Variants in RBM39 observed in about 807,000 individuals in gnomAD.
RBM39 encodes RNA-binding protein 39.
In RBM39, 12 loss-of-function variants were observed where a neutral mutation model predicts 79.6. The observed-to-expected ratio is 0.15, with a 90% CI of 0.10 to 0.24. The LOEUF is 0.24. Ranked by LOEUF, RBM39 falls within the 10% of genes least tolerant of loss-of-function variation. The pLI is 1.00. For synonymous variants in RBM39, 185 were observed against 208.4 expected, an observed-to-expected ratio of 0.89 and a Z score of 0.97; for missense variants, 243 against 653.4, an observed-to-expected ratio of 0.37 and a Z score of 6.85.
chr20:35,729,375 TAA>T lies in RBM39; in HGVS notation c.363-12_363-11del. On this transcript the variant is annotated splice_polypyrimidine_tract_variant and intron_variant, in intron 5 of 16. Transcript: ENST00000253363. The stretch of plus-strand genomic sequence containing the variant: ...TCGGGAACGTCGTCTGCTGCAAAGT[TAA>T]AAAGTTTCAGAAGTTATCCAAACAA... 1.2e-6 allele frequency: 2 copies of T among 1,606,850 alleles called. No individual in the cohort carries two copies. Among genetic ancestry groups the T allele is most frequent in the Non-Finnish European group, 1.7e-6 (2 of 1,178,360 alleles).
intron 3 of RBM39, among the ~76,000 whole-genome samples, chr20:35,736,006 CA>C (rs2039866954): frequency 6.6e-6 from 1 of 151,980 alleles, no homozygotes; most frequent in African/African-American, 2.4e-5. Flanking sequence ...ACCTTAGTGG[CA>C]AAAAGCGACA....
At chr20:35,707,394 T>TGTTTCAAG in intron 13 of RBM39, 193 bp from the exon 14 acceptor site, 1 of 382,998 alleles carries the variant, frequency 2.6e-6, no homozygotes, top group Admixed American at 4.4e-5. Flanking sequence ...TGAGGTAACC[T>TGTTTCAAG]AATACTTGAA....
intron 16 of RBM39, 39 bp downstream of exon 16, chr20:35,704,629 C>A: frequency 2.5e-6 from 4 of 1,610,386 alleles, no homozygotes; most frequent in Non-Finnish European, 2.5e-6. Context: ...CATTATAGAG[C>A]CTTAATAACA....
At chr20:35,718,959 A>ACT (rs1338551013) in intron 9 of RBM39, among the ~76,000 whole-genome samples, 1 of 152,046 alleles carries the variant, frequency 6.6e-6, no homozygotes, top group African/African-American at 2.4e-5. Flanking sequence ...ACAGCGCAGG[A>ACT]CTCAGACTCC....
intron 1 of RBM39, 56 bp from the exon 2 acceptor site, chr20:35,740,943 A>T: frequency 1.5e-6 from 2 of 1,308,606 alleles, no homozygotes; most frequent in Non-Finnish European, 2.2e-6. Flanking sequence ...AATGTGAAAC[A>T]AGTTTCACTC....
At chr20:35,705,491 G>C (rs2035607532) in intron 14 of RBM39, 161 bp from the exon 15 acceptor site, 1 of 525,986 alleles carries the variant, frequency 1.9e-6, no homozygotes, top group South Asian at 2.5e-5. Context: ...CTGCAGTCTG[G>C]TATTGAAAAA....
At chr20:35,724,988 T>G (rs548301321) in intron 7 of RBM39, 50 bp downstream of exon 7, 1 of 1,292,820 alleles carries the variant, frequency 7.7e-7, no homozygotes, top group South Asian at 1.3e-5. Flanking sequence ...TTTACATGTT[T>G]TCTCTTGCAA....
intron 10 of RBM39, among the ~76,000 whole-genome samples, chr20:35,716,437 A>G (rs1258547352): frequency 6.6e-6 from 1 of 152,178 alleles, no homozygotes; most frequent in African/African-American, 2.4e-5. Flanking sequence ...ATTATTAACT[A>G]TTATTGTACT....
In RBM39 at chr20:35,703,771, T is replaced by G. The variant is rs1229272707; in HGVS notation, c.*710A>C. Reference sequence around the variant, plus strand: ...GAGCTTAAAAAGAGCAAAGATTATATGCAACCAGACAAAACCTATTTCTGC... The same window carrying G: ...GAGCTTAAAAAGAGCAAAGATTATAGGCAACCAGACAAAACCTATTTCTGC... On this transcript the variant is annotated 3_prime_UTR_variant, in exon 17 of 17. Transcript: ENST00000253363. 2 of 152,600 alleles carry G rather than the reference T, an allele frequency of 1.3e-5. No individual in the cohort carries two copies. The highest frequency in any genetic ancestry group is 4.8e-5 in the African/African-American group (2 of 41,444). 9.5% of individuals were successfully genotyped at this position (152,600 alleles called of 1,614,324 possible). A position where few individuals can be genotyped will look rare whatever the true frequency, so the allele number is the denominator to read the frequency against.
At chr20:35,741,334 T>G (rs899220426) in intron 1 of RBM39, 1 of 153,720 alleles carries the variant, frequency 6.5e-6, no homozygotes, top group African/African-American at 2.4e-5. Flanking sequence ...GCGCCCGGCC[T>G]GGTAAACGTT....
intron 9 of RBM39, 113 bp downstream of exon 9, chr20:35,721,627 T>A (rs900485734): frequency 1.6e-6 from 2 of 1,259,270 alleles, no homozygotes; most frequent in African/African-American, 3.0e-5. Flanking sequence ...AAACCAGCCC[T>A]TATCCTCTTA....
rs187803555 is a variant in RBM39 at position 35,714,051 on chromosome 20, A to G, written c.1096+134T>C. The stretch of plus-strand genomic sequence containing the variant: ...CAAGGCACATCATCTATAAAATAAT[A>G]TGCAGTGTGACCAAGGATAACGCCA... On this transcript the variant is annotated intron_variant, in intron 11 of 16. Transcript: ENST00000253363. The G allele has an allele frequency of 7.8e-4, 605 of 772,102 alleles. 3 individuals carry two copies. Among genetic ancestry groups the G allele is most frequent in the Middle Eastern group, 1.2e-3 (3 of 2,598 alleles). 47.8% of individuals were successfully genotyped at this position (772,102 alleles called of 1,614,324 possible). A position where few individuals can be genotyped will look rare whatever the true frequency, so the allele number is the denominator to read the frequency against.
intron 1 of RBM39, 111 bp from the exon 2 acceptor site, chr20:35,740,998 A>G: frequency 2.2e-6 from 1 of 464,334 alleles, no homozygotes; most frequent in Non-Finnish European, 4.0e-6. Context: ...GCCTAGGAAA[A>G]GAACAAGACG....
intron 1 of RBM39, among the ~76,000 whole-genome samples, 156 bp downstream of exon 1, chr20:35,741,785 C>G (rs1192988355): frequency 6.6e-6 from 1 of 152,016 alleles, no homozygotes; most frequent in Non-Finnish European, 1.5e-5. Flanking sequence ...CTATACCCGA[C>G]TGGAAAATAA....
At chr20:35,709,783 C>G (rs1672357264) in intron 12 of RBM39, among the ~76,000 whole-genome samples, 1 of 152,146 alleles carries the variant, frequency 6.6e-6, no homozygotes, top group Non-Finnish European at 1.5e-5. Context: ...ATACACCATT[C>G]CAACAGTATG....
At chr20:35,735,441 T>C (rs1367124068) in intron 3 of RBM39, among the ~76,000 whole-genome samples, 1 of 152,198 alleles carries the variant, frequency 6.6e-6, no homozygotes. Context: ...AATTATACAA[T>C]TAAAAAAATT....
At position 35,742,057 on chromosome 20, in the gene RBM39, C is replaced by A; in HGVS notation, c.-130G>T. On this transcript the variant is annotated 5_prime_UTR_variant, in exon 1 of 17. Transcript: ENST00000253363. ...CTACTGTTAAGCCCCTAGGCCCAGG[C>A]CGCGGAACCGCCCAGCCCGAATATC... 5.1e-6 allele frequency: 1 copy of A among 196,070 alleles called. No individual in the cohort carries two copies. The allele number at this position is 196,070 out of a possible 1,614,324, so 12.1% of individuals were successfully genotyped here. A position where few individuals can be genotyped will look rare whatever the true frequency, so the allele number is the denominator to read the frequency against.
At chr20:35,741,775 CTA>C (rs2146775590) in intron 1 of RBM39, 164 bp downstream of exon 1, 1 of 155,956 alleles carries the variant, frequency 6.4e-6, no homozygotes, top group Admixed American at 6.5e-5. Context: ...AGAATCCAGA[CTA>C]TACCCGACTG....
In RBM39 at chr20:35,714,315, T is replaced by C. The variant is rs2036836217; in HGVS notation, c.966A>G (p.Lys322=). ...CAGTACGTTCAGTAACATGACCAAC[T>C]TTCATTGGTCTTCCTGCTAGTTCAA... ...NGFELAGRPM[K]VGHVTERTDA... Residue 322 remains lysine, a synonymous_variant, in exon 11 of 17, where the codon AAA becomes AAG. Coordinates refer to ENST00000253363, the MANE Select transcript of RBM39 (RefSeq NM_184234.3). 1.2e-6 allele frequency: 2 copies of C among 1,614,052 alleles called. No individual in the cohort carries two copies. The highest frequency in any genetic ancestry group is 3.3e-5 in the Admixed American group (2 of 60,000).
Sources: allele counts gnomAD v4.1 joint callset (sites outside exome capture counted in the v4.1 genomes callset), GRCh38; gene constraint gnomAD v4.1.1; transcripts MANE v1.5; gene names NCBI Gene and HGNC (gene_info 2026-07-23, HGNC 2026-07-21).